The following NOL4 variants were observed in gnomAD, a reference collection of about 807,000 sequenced individuals.
NOL4 encodes the protein nucleolar protein 4.
Under a neutral mutation model 75.9 loss-of-function variants are expected in NOL4, and 17 were observed. The observed-to-expected ratio is 0.22, with a 90% CI of 0.15 to 0.34. The LOEUF (loss-of-function observed/expected upper bound fraction) is 0.34. NOL4 is among the 10% of genes least tolerant of loss of function. NOL4 has a pLI of 1.00. For synonymous variants in NOL4, 292 were observed against 289.9 expected, an observed-to-expected ratio of 1.01 and a Z score of -0.07; for missense variants, 614 against 793.5, an observed-to-expected ratio of 0.77 and a Z score of 2.72.
intron 5 of NOL4, among the ~76,000 whole-genome samples, chr18:34,052,810 C>T (rs2076680215): frequency 6.6e-6 from 1 of 151,894 alleles, no homozygotes; most frequent in South Asian, 2.1e-4. Context: ...GGGAGGTAGG[C>T]TTATGAAATC....
In NOL4 at chr18:33,851,833, G is replaced by A. The variant is rs1056748833; in HGVS notation, c.*1009C>T. 6.6e-6 allele frequency: 1 copy of A among 152,386 alleles called. No homozygotes were observed. 9.4% of individuals were successfully genotyped at this position (152,386 alleles called of 1,614,324 possible). A position where few individuals can be genotyped will look rare whatever the true frequency, so the allele number is the denominator to read the frequency against. On this transcript the variant is annotated 3_prime_UTR_variant, in exon 11 of 11. Coordinates refer to ENST00000261592, the MANE Select transcript of NOL4 (RefSeq NM_003787.5). ...ATCAGGAGATGTAATGGTCTTTTTG[G>A]AAACTATTTCTGAAAGAAATGAAAA...
In NOL4 at chr18:34,217,862, A is replaced by G. The variant is rs142851414; in HGVS notation, c.264+5128T>C. Among the ~76,000 whole-genome samples the G allele has an allele frequency of 6.9e-3, 1,056 of 152,148 alleles. 6 individuals carry two copies. Among genetic ancestry groups the G allele is most frequent in the Non-Finnish European group, 0.012 (838 of 68,004 alleles). On this transcript the variant is annotated intron_variant, in intron 1 of 10. Coordinates refer to ENST00000261592, the MANE Select transcript of NOL4 (RefSeq NM_003787.5). ...CAAAACTAGTAAGACTAGTATTAAT[A>G]CTAACATTTTACAAGAGGAAACTGC...
At chr18:34,182,607 A>G (rs552179493) in intron 1 of NOL4, among the ~76,000 whole-genome samples, 27 of 151,854 alleles carry the variant, frequency 1.8e-4, no homozygotes, top group Non-Finnish European at 3.1e-4. Context: ...GAATAGTTTC[A>G]TATCTTCACT....
intron 5 of NOL4, among the ~76,000 whole-genome samples, chr18:34,070,222 G>T (rs1227148686): frequency 6.6e-6 from 1 of 152,144 alleles, no homozygotes; most frequent in Non-Finnish European, 1.5e-5. Flanking sequence ...TAGTAGAGAC[G>T]GGGTTTCACC....
chr18:34,008,225 C>T (rs2074152584), intron 6 of NOL4, among the ~76,000 whole-genome samples: 1 of 151,916 alleles, frequency 6.6e-6, no homozygotes, highest in African/African-American at 2.4e-5. Flanking sequence ...CCATTGGCTC[C>T]CTTGGTTATC....
intron 6 of NOL4, among the ~76,000 whole-genome samples, chr18:33,982,804 G>A (rs534850323): frequency 7.1e-6 from 1 of 140,010 alleles, no homozygotes; most frequent in East Asian, 2.2e-4. Context: ...AGGCTGGAGT[G>A]TAATGGTGCG....
chr18:33,996,637 G>C (rs947856251), intron 6 of NOL4, among the ~76,000 whole-genome samples: 2 of 151,834 alleles, frequency 1.3e-5, no homozygotes, highest in South Asian at 2.1e-4. Context: ...CTAATGCTTA[G>C]GGCCCACTTA....
At chr18:33,965,865 TC>T (rs1463595850) in intron 6 of NOL4, among the ~76,000 whole-genome samples, 22 of 152,170 alleles carry the variant, frequency 1.4e-4, no homozygotes, top group African/African-American at 4.3e-4. Context: ...ATACTCCCTG[TC>T]TCTTAAGAGA....
At chr18:34,151,645 T>A (rs1600732646) in intron 1 of NOL4, among the ~76,000 whole-genome samples, 2 of 151,982 alleles carry the variant, frequency 1.3e-5, no homozygotes, top group African/African-American at 4.8e-5. Context: ...TCATTATACA[T>A]CTTTTTCCAA....
At chr18:33,864,746 C>T (rs1460186284) in intron 10 of NOL4, among the ~76,000 whole-genome samples, 1 of 152,118 alleles carries the variant, frequency 6.6e-6, no homozygotes, top group African/African-American at 2.4e-5. Context: ...TAAGGAAATA[C>T]CTGAGACTGG....
chr18:34,192,171 T>A (rs181073602), intron 1 of NOL4, among the ~76,000 whole-genome samples: 207 of 152,320 alleles, frequency 1.4e-3, no homozygotes, highest in African/African-American at 4.6e-3. Flanking sequence ...TATAGCTCTT[T>A]GAGATTTACT....
At chr18:34,151,715 T>C (rs2081647312) in intron 1 of NOL4, among the ~76,000 whole-genome samples, 1 of 151,948 alleles carries the variant, frequency 6.6e-6, no homozygotes, top group African/African-American at 2.4e-5. Flanking sequence ...TTTAATGATA[T>C]GCCAATGTAG....
chr18:33,944,970 T>C (rs1485547828), intron 8 of NOL4, among the ~76,000 whole-genome samples: 1 of 151,940 alleles, frequency 6.6e-6, no homozygotes, highest in Non-Finnish European at 1.5e-5. Context: ...TACTCATTGA[T>C]ATCTTTCTTG....
At chr18:34,093,191 C>T (rs2078608201) in intron 5 of NOL4, among the ~76,000 whole-genome samples, 1 of 152,092 alleles carries the variant, frequency 6.6e-6, no homozygotes, top group African/African-American at 2.4e-5. Flanking sequence ...TGATATAACA[C>T]ATATTTTAAG....
intron 5 of NOL4, among the ~76,000 whole-genome samples, chr18:34,049,431 T>C (rs567522188): frequency 5.9e-5 from 9 of 152,050 alleles, no homozygotes; most frequent in African/African-American, 2.2e-4. Context: ...AAACAGTTGA[T>C]AGTATACTGT....
chr18:34,132,130 T>C (rs2145918354), intron 1 of NOL4, among the ~76,000 whole-genome samples: 1 of 152,334 alleles, frequency 6.6e-6, no homozygotes, highest in Non-Finnish European at 1.5e-5. Flanking sequence ...GGCTGCATTA[T>C]ATTACCATTG....
intron 4 of NOL4, among the ~76,000 whole-genome samples, chr18:34,094,220 A>G (rs2078662772): frequency 6.6e-6 from 1 of 152,226 alleles, no homozygotes; most frequent in South Asian, 2.1e-4. Flanking sequence ...AATGACCAAA[A>G]AATGTTGTAA....
intron 1 of NOL4, among the ~76,000 whole-genome samples, chr18:34,130,248 A>G (rs1225082451): frequency 6.6e-6 from 1 of 152,056 alleles, no homozygotes; most frequent in Non-Finnish European, 1.5e-5. Flanking sequence ...TGAATAAATC[A>G]TGCTTACCCA....
chr18:33,855,034 A>G (rs1333713824), intron 10 of NOL4, among the ~76,000 whole-genome samples: 1 of 151,964 alleles, frequency 6.6e-6, no homozygotes, highest in African/African-American at 2.4e-5. Context: ...CTCCCAAGTT[A>G]TTATTATTCT....
Sources: gnomAD v4.1 joint callset for allele counts (sites outside exome capture counted in the v4.1 genomes callset) on GRCh38, gnomAD v4.1.1 for gene constraint, MANE v1.5 for transcripts, NCBI Gene and HGNC (gene_info 2026-07-23, HGNC 2026-07-21) for gene names.